RRM2: variants seen among roughly 807,000 people sequenced by gnomAD.
The protein encoded by RRM2 is ribonucleoside-diphosphate reductase subunit M2.
A neutral mutation model predicts 45.9 loss-of-function variants in RRM2; 6 were observed. The observed-to-expected ratio is 0.13, with a 90% CI of 0.07 to 0.26. The LOEUF (loss-of-function observed/expected upper bound fraction) is 0.26. Among genes scored for constraint, RRM2 ranks in the 10% least tolerant of loss-of-function variants. RRM2 has a pLI of 1.00. For missense variants in RRM2, 343 were observed against 489.5 expected (o/e 0.70, Z 2.82); for synonymous variants, 177 against 173.0 (o/e 1.02, Z -0.18).
intron 3 of RRM2, among the ~76,000 whole-genome samples, chr2:10,186,580 C>A (rs1225836964): frequency 6.6e-6 from 1 of 152,180 alleles, no homozygotes; most frequent in Non-Finnish European, 1.5e-5. Flanking sequence ...GACGCTGAGA[C>A]CAGCCTGCCT....
At chr2:10,123,885 C>A in intron 4 of RRM2, 33 bp downstream of exon 4, 2 of 1,212,902 alleles carry the variant, frequency 1.6e-6, no homozygotes, top group Non-Finnish European at 2.5e-6. Flanking sequence ...ATTCATTTGA[C>A]GTTGACGATC....
chr2:10,199,320 T>G (rs1572533428), intron 3 of RRM2: 1 of 144,680 alleles, frequency 6.9e-6, no homozygotes, highest in African/African-American at 2.5e-5. Flanking sequence ...AAAGGAAAAA[T>G]TGAAAACATT....
rs373279736 is a variant in RRM2 at position 10,129,157 on chromosome 2, A to G, written c.1017+3A>G. On this transcript the variant is annotated splice_donor_region_variant and intron_variant, in intron 9 of 9. Transcript: ENST00000304567. This position sits in a 1 kb window ranked among gnomAD's most constrained non-coding sequence, Gnocchi z 4.8. ...TGCTGGAACTGGGTTTTAGCAAGGT[A>G]AAGTATTGTTTACATAGCCTTTTGC... 138 of 1,613,934 alleles carry G rather than the reference A, an allele frequency of 8.6e-5. No individual in the cohort carries two copies. Among genetic ancestry groups the G allele is most frequent in the African/African-American group, 1.9e-4 (14 of 74,956 alleles).
rs1045244758 is a variant in RRM2, at chr2:10,127,173, C to A, written c.751C>A (p.Leu251Met). ...ASIFWLKKRG[L>M]MPGLTFSNEL... The stretch of plus-strand genomic sequence containing the variant: ...GATATTCTGGCTCAAGAAACGAGGA[C>A]TGATGCCTGGCCTCACATTTTCTAA... The change falls in exon 7 of 10, where the codon CTG becomes ATG. Residue 251 changes from leucine to methionine, a missense_variant. Physicochemically the swap from Leu to Met is conservative, Grantham distance 15. Around this residue, in one of 2 missense-constraint regions of RRM2, gnomAD observed 212 missense variants for 368.1 expected, o/e 0.58. Transcript: ENST00000304567. The surrounding 1 kb of genome is among the most constrained non-coding windows in gnomAD (Gnocchi z 4.1). The A allele has an allele frequency of 6.2e-7, 1 of 1,614,154 alleles. No homozygotes were observed. The highest frequency in any genetic ancestry group is 8.5e-7 in the Non-Finnish European group (1 of 1,180,038).
At chr2:10,173,919 T>G (rs912112396) in intron 3 of RRM2, among the ~76,000 whole-genome samples, 2 of 152,100 alleles carry the variant, frequency 1.3e-5, no homozygotes, top group Non-Finnish European at 2.9e-5. Flanking sequence ...GTGTGCTCCG[T>G]GGGGGGCGTG....
rs1318588616 is a variant in RRM2 at position 10,130,053 on chromosome 2, G to A, written c.*667G>A. 2 of 152,264 alleles carry A rather than the reference G, an allele frequency of 1.3e-5. No homozygotes were observed. Among genetic ancestry groups the A allele is most frequent in the African/African-American group, 4.8e-5 (2 of 41,454 alleles). The allele number at this position is 152,264 out of a possible 1,614,324, so 9.4% of individuals were successfully genotyped here. On this transcript the variant is annotated 3_prime_UTR_variant, in exon 10 of 10. Coordinates refer to ENST00000304567, the MANE Select transcript of RRM2 (RefSeq NM_001034.4). Reference sequence around the variant, plus strand: ...GTTGTGTTTTTATCCTGTGGCTTGTGTAGTGTCCTGGGATTCTCTGCCCCC... The same window carrying A: ...GTTGTGTTTTTATCCTGTGGCTTGTATAGTGTCCTGGGATTCTCTGCCCCC...
chr2:10,133,919 C>T (rs1384511265), downstream of RRM2, among the ~76,000 whole-genome samples: 1 of 152,010 alleles, frequency 6.6e-6, no homozygotes, highest in Non-Finnish European at 1.5e-5. Context: ...TGGCTCGCGC[C>T]TGTAATCCCA....
At chr2:10,125,140 C>A (rs1662752506) in intron 5 of RRM2, among the ~76,000 whole-genome samples, 1 of 152,084 alleles carries the variant, frequency 6.6e-6, no homozygotes, top group Admixed American at 6.6e-5. Context: ...TATGTCTGAC[C>A]ATCTTTGCTC....
Position 10,205,094 on chromosome 2 carries a change from C to T in RRM2, n.483-5217C>T, listed in dbSNP as rs1484729027. On this transcript the variant is annotated intron_variant and non_coding_transcript_variant, in intron 3 of 3. Coordinates refer to the RRM2 transcript ENST00000381786. This position sits in a 1 kb window ranked among gnomAD's most constrained non-coding sequence, Gnocchi z 4.8. ...GCCCAGCTCCCTAAGCCTTCTTTGT[C>T]CTTACCGTCTCTTCAGAATCTGTCT... 6.6e-6 allele frequency among the ~76,000 whole-genome samples: 1 copy of T among 152,366 alleles called. No homozygotes were observed. Among genetic ancestry groups the T allele is most frequent in the Non-Finnish European group, 1.5e-5 (1 of 68,032 alleles).
upstream of RRM2, chr2:10,141,260 G>A (rs1192620858): frequency 1.9e-5 from 3 of 154,162 alleles, no homozygotes; most frequent in Non-Finnish European, 4.3e-5. Flanking sequence ...GACCAGTTAT[G>A]TGCTCTGGGA....
chr2:10,129,952 A>G lies in RRM2; in HGVS notation c.*566A>G, dbSNP rs1446688886. 1 of 152,458 alleles carries G rather than the reference A, an allele frequency of 6.6e-6. No homozygotes were observed. The highest frequency in any genetic ancestry group is 1.5e-5 in the Non-Finnish European group (1 of 68,196). 9.4% of individuals were successfully genotyped at this position (152,458 alleles called of 1,614,324 possible). A position where few individuals can be genotyped will look rare whatever the true frequency, so the allele number is the denominator to read the frequency against. On this transcript the variant is annotated 3_prime_UTR_variant, in exon 10 of 10. Transcript: ENST00000304567. The surrounding 1 kb of genome is among the most constrained non-coding windows in gnomAD (Gnocchi z 4.8). ...TTTAAGTTTTATTTTAATGAATTAA[A>G]ATATTTGTTAACCAACTTTAAAGTC...
In RRM2 at chr2:10,168,010, A is replaced by G. The variant is rs1663717816; in HGVS notation, n.482+25635A>G. 2.0e-5 allele frequency among the ~76,000 whole-genome samples: 3 copies of G among 150,964 alleles called. No individual in the cohort carries two copies. The South Asian group carries it at 6.3e-4, about 32-fold the overall frequency. On this transcript the variant is annotated intron_variant and non_coding_transcript_variant, in intron 3 of 3. Transcript: ENST00000381786. Reference sequence around the variant, plus strand: ...GAGAAATTTAACAGTCAACAGATCAACAGTAGAAAAGACAAAGGCTTTTCT... The same window carrying G: ...GAGAAATTTAACAGTCAACAGATCAGCAGTAGAAAAGACAAAGGCTTTTCT...
At chr2:10,163,537 GT>G (rs1202782895) in intron 3 of RRM2, among the ~76,000 whole-genome samples, 1 of 152,174 alleles carries the variant, frequency 6.6e-6, no homozygotes, top group Non-Finnish European at 1.5e-5. Context: ...CTCGGCCTCA[GT>G]TTCCCCGGGT....
chr2:10,170,200 T>C (rs1346310474), intron 3 of RRM2, among the ~76,000 whole-genome samples: 1 of 151,694 alleles, frequency 6.6e-6, no homozygotes, highest in African/African-American at 2.4e-5. Flanking sequence ...GATGACCCAT[T>C]CCCAGTTTTC....
chr2:10,153,637 A>G (rs1370642051), intron 3 of RRM2, among the ~76,000 whole-genome samples: 1 of 152,196 alleles, frequency 6.6e-6, no homozygotes, highest in Non-Finnish European at 1.5e-5. Flanking sequence ...ACAGTAAGCT[A>G]AGATTGGCAT....
chr2:10,173,792 G>A (rs193020511), intron 3 of RRM2, among the ~76,000 whole-genome samples: 1 of 152,350 alleles, frequency 6.6e-6, no homozygotes, highest in Admixed American at 6.5e-5. Flanking sequence ...TGCGTCTTCC[G>A]GGCAGAAGGC....
At chr2:10,181,510 T>C (rs548571543) in intron 3 of RRM2, among the ~76,000 whole-genome samples, 83 of 152,308 alleles carry the variant, frequency 5.4e-4, no homozygotes, top group African/African-American at 1.7e-3. Context: ...AGATAGATCT[T>C]AGTGCATTTG....
rs569379152 is a variant in RRM2 at position 10,204,538 on chromosome 2, C to G, written n.483-5773C>G. On this transcript the variant is annotated intron_variant and non_coding_transcript_variant, in intron 3 of 3. Coordinates refer to the RRM2 transcript ENST00000381786. This position sits in a 1 kb window ranked among gnomAD's most constrained non-coding sequence, Gnocchi z 4.0. ...GGTCACTGGCTGTGACCCCGCCAGC[C>G]CTGCTCAGCGCTGTGCCCAGCCCTG... Among the ~76,000 whole-genome samples the G allele has an allele frequency of 1.0e-3, 154 of 152,334 alleles. No homozygotes were observed. Among genetic ancestry groups the G allele is most frequent in the Middle Eastern group, 6.8e-3 (2 of 294 alleles).
intron 7 of RRM2, 68 bp from the exon 8 acceptor site, chr2:10,128,780 G>A (rs1441351219): frequency 8.8e-7 from 1 of 1,136,492 alleles, no homozygotes; most frequent in Non-Finnish European, 1.3e-6. Context: ...AAAGGACAAA[G>A]TAATTTCATA....
Sources: allele counts gnomAD v4.1 joint callset (sites outside exome capture counted in the v4.1 genomes callset), GRCh38; gene constraint gnomAD v4.1.1; regional missense constraint gnomAD v4.1.1; non-coding constraint Gnocchi (gnomAD v3.1); transcripts MANE v1.5; gene names NCBI Gene and HGNC (gene_info 2026-07-23, HGNC 2026-07-21).